Variants in DCDC2C observed in about 807,000 individuals in gnomAD.
The protein encoded by DCDC2C is doublecortin domain-containing protein 2C.
Under a neutral mutation model 45.0 loss-of-function variants are expected in DCDC2C, and 44 were observed. That is an observed-to-expected ratio of 0.98 (90% CI 0.77 to 1.26). The LOEUF (loss-of-function observed/expected upper bound fraction) is 1.26, where lower values mean the gene tolerates loss of function less well. DCDC2C is among the 50% of genes most tolerant of loss of function. The probability of loss-of-function intolerance (pLI) is 0.00; values close to 1 mark genes in which losing one functional copy is unlikely to be tolerated. For missense variants in DCDC2C, 447 were observed against 468.9 expected (o/e 0.95, Z 0.43); for synonymous variants, 187 against 178.8 (o/e 1.05, Z -0.37).
chr2:3,840,591 T>G (rs1453352304), intron 10 of DCDC2C, among the ~76,000 whole-genome samples: 1 of 152,232 alleles, frequency 6.6e-6, no homozygotes, highest in Non-Finnish European at 1.5e-5. Context: ...ATGGTTACTT[T>G]CCAGTAATTC....
At chr2:3,829,939 C>T (rs141186539) in intron 10 of DCDC2C, among the ~76,000 whole-genome samples, 44 of 152,280 alleles carry the variant, frequency 2.9e-4, no homozygotes, top group East Asian at 7.7e-4. Context: ...TGAAGCTTGC[C>T]GCTCTAAGTC....
At chr2:3,794,606 A>G (rs1017003397) in intron 10 of DCDC2C, among the ~76,000 whole-genome samples, 1 of 152,138 alleles carries the variant, frequency 6.6e-6, no homozygotes, top group Non-Finnish European at 1.5e-5. Context: ...ATGAGTGAGA[A>G]TATGTGGTGT....
At chr2:3,831,350 G>A (rs1432415739) in intron 10 of DCDC2C, among the ~76,000 whole-genome samples, 4 of 152,142 alleles carry the variant, frequency 2.6e-5, no homozygotes, top group East Asian at 1.9e-4. Context: ...CACAAACCTC[G>A]ATGGCACAGC....
At chr2:3,738,540 G>A (rs357960) in intron 3 of DCDC2C, among the ~76,000 whole-genome samples, 46,506 of 72,250 alleles carry the variant, frequency 0.64, 14,353 homozygotes, top group East Asian at 0.9. Context: ...GTCTATCTGG[G>A]AAAAAAAAAA....
intron 10 of DCDC2C, among the ~76,000 whole-genome samples, chr2:3,808,452 C>T (rs1005913373): frequency 8.6e-4 from 130 of 152,008 alleles, no homozygotes; most frequent in African/African-American, 2.8e-3. Context: ...AGTGCAGTGG[C>T]GTGATCTTGG....
In DCDC2C at chr2:3,822,688, T is replaced by C. The variant is rs182440524; in HGVS notation, c.1066-24466T>C. On this transcript the variant is annotated intron_variant, in intron 10 of 10. Coordinates refer to ENST00000399143, the MANE Select transcript of DCDC2C (RefSeq NM_001287444.2). ...TGAGTTTTGTTTGCTCTTTCCTTTT[T>C]GTATAGCTTCTTAAGGTGGAAGTTT... 1.1e-3 allele frequency among the ~76,000 whole-genome samples: 167 copies of C among 152,244 alleles called. 1 individual carries two copies. The highest frequency in any genetic ancestry group is 3.9e-3 in the African/African-American group (162 of 41,546).
At chr2:3,739,851 T>C (rs6724275) in intron 3 of DCDC2C, among the ~76,000 whole-genome samples, 4,443 of 152,298 alleles carry the variant, frequency 0.029, 111 homozygotes, top group East Asian at 0.1. Context: ...AAGAGCAGCC[T>C]GTAACACAGG....
intron 10 of DCDC2C, among the ~76,000 whole-genome samples, chr2:3,830,683 C>G (rs186051485): frequency 1.3e-5 from 2 of 152,128 alleles, no homozygotes; most frequent in Non-Finnish European, 2.9e-5. Flanking sequence ...GCCATGGGAC[C>G]AGAGGCTTAG....
In DCDC2C at chr2:3,847,669, G is replaced by A. The variant is rs564367044; in HGVS notation, c.*486G>A. 6.6e-6 allele frequency among the ~76,000 whole-genome samples: 1 copy of A among 152,254 alleles called. No homozygotes were observed. Among genetic ancestry groups the A allele is most frequent in the East Asian group, 1.9e-4 (1 of 5,190 alleles). On this transcript the variant is annotated 3_prime_UTR_variant, in exon 11 of 11. Coordinates refer to ENST00000399143, the MANE Select transcript of DCDC2C (RefSeq NM_001287444.2). ...AAGGAAAAAAATCCAGGGTTCGCTG[G>A]TGACATGGTTTGGCTGTATGTCCTC...
chr2:3,733,666 T>C (rs1668939150), intron 3 of DCDC2C, among the ~76,000 whole-genome samples: 1 of 152,230 alleles, frequency 6.6e-6, no homozygotes. Context: ...CCTCACATGA[T>C]GGACGGGGCA....
intron 3 of DCDC2C, among the ~76,000 whole-genome samples, chr2:3,735,922 G>T (rs1387564531): frequency 6.6e-6 from 1 of 152,048 alleles, no homozygotes; most frequent in East Asian, 1.9e-4. Context: ...GAAATATAGG[G>T]CAGTACCTTT....
At chr2:3,776,304 C>T (rs73910365) in intron 8 of DCDC2C, among the ~76,000 whole-genome samples, 18,959 of 152,156 alleles carry the variant, frequency 0.12, 1,331 homozygotes, top group East Asian at 0.29. Flanking sequence ...GTCTGTCTCC[C>T]CTCATGCGTG....
At position 3,803,159 on chromosome 2, in the gene DCDC2C, C is replaced by T. The variant is rs184700312; in HGVS notation, c.1065+18059C>T. 1.4e-4 allele frequency among the ~76,000 whole-genome samples: 22 copies of T among 152,352 alleles called. No individual in the cohort carries two copies. The East Asian group carries it at 4.2e-3, about 29-fold the overall frequency. On this transcript the variant is annotated intron_variant, in intron 10 of 10. Transcript: ENST00000399143. ...CAGCCCTTGAGATGTGGCTCTACCC[C>T]TGATATTCTCGTGTTGCCTTTCTTT...
chr2:3,768,194 A>T (rs999318062), intron 7 of DCDC2C, among the ~76,000 whole-genome samples: 2 of 152,052 alleles, frequency 1.3e-5, no homozygotes, highest in African/African-American at 4.8e-5. Context: ...ACAACAAATA[A>T]ATCTATCTTT....
chr2:3,803,335 G>A (rs932951173), intron 10 of DCDC2C, among the ~76,000 whole-genome samples: 6 of 152,000 alleles, frequency 3.9e-5, no homozygotes, highest in Admixed American at 1.3e-4. Flanking sequence ...AGTGTGACAC[G>A]CCCTTGTTCA....
chr2:3,845,825 G>A (rs569868623), intron 10 of DCDC2C, among the ~76,000 whole-genome samples: 2 of 152,368 alleles, frequency 1.3e-5, no homozygotes, highest in East Asian at 1.9e-4. Context: ...TTAGGGCTAA[G>A]AGAACCAGGC....
intron 4 of DCDC2C, among the ~76,000 whole-genome samples, chr2:3,749,493 A>G (rs1465975790): frequency 3.3e-5 from 5 of 152,202 alleles, no homozygotes; most frequent in African/African-American, 1.2e-4. Flanking sequence ...ACGTGGATGC[A>G]TGCATCACGT....
chr2:3,814,789 G>A (rs543066231), intron 10 of DCDC2C, among the ~76,000 whole-genome samples: 2 of 152,388 alleles, frequency 1.3e-5, no homozygotes, highest in East Asian at 3.9e-4. Flanking sequence ...GAGGAAGGAT[G>A]GGTCAGGTCA....
chr2:3,792,709 C>G (rs1051724364), intron 10 of DCDC2C, among the ~76,000 whole-genome samples: 1 of 152,126 alleles, frequency 6.6e-6, no homozygotes, highest in Non-Finnish European at 1.5e-5. Flanking sequence ...TTACACCACA[C>G]TCTGTGAGGG....
Sources: gnomAD v4.1 joint callset for allele counts (sites outside exome capture counted in the v4.1 genomes callset) on GRCh38, gnomAD v4.1.1 for gene constraint, MANE v1.5 for transcripts, NCBI Gene and HGNC (gene_info 2026-07-23, HGNC 2026-07-21) for gene names.